SLC45A4: variants seen among roughly 807,000 people sequenced by gnomAD.
The protein encoded by SLC45A4 is solute carrier family 45 member 4, also known as polyamine-transporter SLC45A4.
In SLC45A4, 32 loss-of-function variants were observed where a neutral mutation model predicts 63.7. That is an observed-to-expected ratio of 0.50 (90% confidence interval 0.38 to 0.67). The LOEUF (loss-of-function observed/expected upper bound fraction) is 0.67. SLC45A4 is among the 30% of genes least tolerant of loss of function. SLC45A4 has a pLI of 0.00. For synonymous variants in SLC45A4, 535 were observed against 510.0 expected (o/e 1.05, Z -0.66); for missense variants, 1,027 against 1,157.7 (o/e 0.89, Z 1.64).
intron 2 of SLC45A4, chr8:141,226,863 A>C (rs374734823): frequency 6.6e-6 from 1 of 152,256 alleles, no homozygotes; most frequent in Non-Finnish European, 1.5e-5. Context: ...AGGCTGCAGG[A>C]GTGAGTGGTC....
Position 141,227,276 on chromosome 8 carries a change from T to G in SLC45A4, c.242-5511A>C, listed in dbSNP as rs1163222015. On this transcript the variant is annotated intron_variant, in intron 2 of 8. Transcript: ENST00000517878. This position sits in a 1 kb window ranked among gnomAD's most constrained non-coding sequence, Gnocchi z 4.4. ...CACGTGTGGCGGCTCCTGTTCACAG[T>G]GCCGTGTGTGATAAACTGGGACTTT... is the stretch of plus-strand genomic sequence containing the variant. Among the ~76,000 whole-genome samples, 2 of 151,084 alleles carry G rather than the reference T, an allele frequency of 1.3e-5. No individual in the cohort carries two copies. The highest frequency in any genetic ancestry group is 6.6e-5 in the Admixed American group (1 of 15,212).
At chr8:141,213,089 C>T (rs1249994286) in intron 7 of SLC45A4, among the ~76,000 whole-genome samples, 1 of 152,082 alleles carries the variant, frequency 6.6e-6, no homozygotes, top group Non-Finnish European at 1.5e-5. Context: ...TCTGCAAAGG[C>T]TTTTTCCTAG....
chr8:141,236,251 T>C (rs2154614414), intron 2 of SLC45A4, among the ~76,000 whole-genome samples: 1 of 152,328 alleles, frequency 6.6e-6, no homozygotes, highest in African/African-American at 2.4e-5. Context: ...TAACTCAACA[T>C]GTAGGCGTCC....
At chr8:141,240,215 T>C (rs1471214149) in intron 2 of SLC45A4, among the ~76,000 whole-genome samples, 1 of 152,252 alleles carries the variant, frequency 6.6e-6, no homozygotes, top group Non-Finnish European at 1.5e-5. Flanking sequence ...CACTTATTCA[T>C]TCTCGGATGT....
rs144897877 is a variant in SLC45A4 at position 141,277,606 on chromosome 8, T to A, written c.-400-22977A>T. 4.6e-3 allele frequency among the ~76,000 whole-genome samples: 698 copies of A among 151,756 alleles called. 5 individuals carry two copies. Among genetic ancestry groups the A allele is most frequent in the African/African-American group, 0.016 (674 of 41,306 alleles). ...TTCACTAAAAAGTCCACCCTTTTAC[T>A]CTTAAAAAAAAAAATCTTCAAATTG... is the stretch of plus-strand genomic sequence containing the variant. On this transcript the variant is annotated intron_variant, in intron 1 of 8. Coordinates refer to ENST00000517878, the MANE Select transcript of SLC45A4 (RefSeq NM_001286646.2).
intron 1 of SLC45A4, among the ~76,000 whole-genome samples, chr8:141,293,797 GT>G (rs1234416820): frequency 3.9e-5 from 6 of 152,072 alleles, no homozygotes; most frequent in African/African-American, 1.4e-4. Context: ...GCTGGGCGTG[GT>G]GGTGCACACC....
At chr8:141,272,179 A>T (rs1411625737) in intron 1 of SLC45A4, among the ~76,000 whole-genome samples, 2 of 152,276 alleles carry the variant, frequency 1.3e-5, no homozygotes, top group East Asian at 3.8e-4. Context: ...ATATAAAGAC[A>T]GGAAATGCAA....
intron 2 of SLC45A4, among the ~76,000 whole-genome samples, chr8:141,245,522 C>T (rs1157435761): frequency 6.6e-6 from 1 of 152,114 alleles, no homozygotes; most frequent in African/African-American, 2.4e-5. Context: ...CAGGGCTGAC[C>T]CGGGGGGCAG....
chr8:141,262,645 C>T (rs1260548090), intron 1 of SLC45A4, among the ~76,000 whole-genome samples: 1 of 151,860 alleles, frequency 6.6e-6, no homozygotes, highest in Admixed American at 6.6e-5. Flanking sequence ...CAGAGAAATG[C>T]AAATCAAAAC....
At chr8:141,282,504 C>T (rs1829991897) in intron 1 of SLC45A4, among the ~76,000 whole-genome samples, 1 of 152,218 alleles carries the variant, frequency 6.6e-6, no homozygotes, top group Non-Finnish European at 1.5e-5. Flanking sequence ...TCAGGGCACG[C>T]CGCCTCCATC....
chr8:141,236,550 T>G (rs1241597957), intron 2 of SLC45A4, among the ~76,000 whole-genome samples: 4 of 152,210 alleles, frequency 2.6e-5, no homozygotes, highest in Non-Finnish European at 5.9e-5. Flanking sequence ...ATTAACATAC[T>G]ATTGACATAG....
At chr8:141,288,075 G>A (rs1182537796) in intron 1 of SLC45A4, among the ~76,000 whole-genome samples, 2 of 152,188 alleles carry the variant, frequency 1.3e-5, no homozygotes, top group Admixed American at 6.5e-5. Context: ...ACTTTGGGAG[G>A]CTGACGTGGG....
At chr8:141,259,598 G>A (rs1828968980) in intron 1 of SLC45A4, among the ~76,000 whole-genome samples, 1 of 152,116 alleles carries the variant, frequency 6.6e-6, no homozygotes, top group African/African-American at 2.4e-5. Flanking sequence ...CCTGTTTTTA[G>A]AGACTCTTCT....
chr8:141,214,192 C>CAAA (rs11292288), intron 7 of SLC45A4, among the ~76,000 whole-genome samples: 63 of 74,348 alleles, frequency 8.5e-4, no homozygotes, highest in African/African-American at 2.4e-3. Flanking sequence ...ACTCTGTCTC[C>CAAA]AAAAAAAAAA....
chr8:141,220,855 CG>C (rs1826576547), intron 3 of SLC45A4, among the ~76,000 whole-genome samples: 1 of 152,238 alleles, frequency 6.6e-6, no homozygotes, highest in African/African-American at 2.4e-5. Context: ...TCGAGGGACA[CG>C]GACAGGCAGG....
At chr8:141,272,887 A>G (rs1430890600) in intron 1 of SLC45A4, among the ~76,000 whole-genome samples, 1 of 152,202 alleles carries the variant, frequency 6.6e-6, no homozygotes, top group Non-Finnish European at 1.5e-5. Flanking sequence ...AATACTCCTC[A>G]ATACTGCATC....
intron 2 of SLC45A4, among the ~76,000 whole-genome samples, chr8:141,230,862 A>C (rs1307288585): frequency 2.0e-5 from 3 of 152,232 alleles, no homozygotes; most frequent in Admixed American, 1.3e-4. Context: ...GGAACGTGGC[A>C]CTGATGACGG....
chr8:141,282,821 T>C (rs1830004026), intron 1 of SLC45A4, among the ~76,000 whole-genome samples: 1 of 152,270 alleles, frequency 6.6e-6, no homozygotes, highest in Non-Finnish European at 1.5e-5. Context: ...GCTCAGCTCC[T>C]TTCCCGCTCA....
At chr8:141,286,033 G>C (rs1252677979) in intron 1 of SLC45A4, among the ~76,000 whole-genome samples, 1 of 152,216 alleles carries the variant, frequency 6.6e-6, no homozygotes, top group Non-Finnish European at 1.5e-5. Context: ...TGTGGCTCTT[G>C]TTACTGACCC....
Sources: allele counts gnomAD v4.1 joint callset (sites outside exome capture counted in the v4.1 genomes callset), GRCh38; gene constraint gnomAD v4.1.1; non-coding constraint Gnocchi (gnomAD v3.1); transcripts MANE v1.5; gene names NCBI Gene and HGNC (gene_info 2026-07-23, HGNC 2026-07-21).